The following HTR1D variants were observed in gnomAD, a reference collection of about 807,000 sequenced individuals.
HTR1D encodes 5-hydroxytryptamine receptor 1D, also known as 5-HT-1D.
In HTR1D, 18 loss-of-function variants were observed where a neutral mutation model predicts 21.1. The ratio of observed to expected loss-of-function variants is 0.85; its 90% CI spans 0.59 to 1.27. The LOEUF (loss-of-function observed/expected upper bound fraction) is 1.27, where lower values mean the gene tolerates loss of function less well. Among genes scored for constraint, HTR1D ranks in the 50% most tolerant of loss-of-function variants. The pLI is 0.00. For synonymous variants in HTR1D, 196 were observed against 204.4 expected (o/e 0.96, Z 0.35); for missense variants, 456 against 481.4 (o/e 0.95, Z 0.49).
intron 1 of HTR1D, among the ~76,000 whole-genome samples, chr1:23,206,935 G>A (rs981970209): frequency 4.6e-5 from 7 of 152,184 alleles, no homozygotes; most frequent in South Asian, 2.1e-4. Flanking sequence ...ACGCCTGAGA[G>A]GCAGAGGCCC....
At chr1:23,213,169 A>G (rs1170190228) in intron 1 of HTR1D, among the ~76,000 whole-genome samples, 1 of 152,148 alleles carries the variant, frequency 6.6e-6, no homozygotes, top group African/African-American at 2.4e-5. Flanking sequence ...TTCCACACCT[A>G]GCCCAAGCTT....
chr1:23,207,845 T>G (rs1371186837), intron 1 of HTR1D, among the ~76,000 whole-genome samples: 1 of 141,190 alleles, frequency 7.1e-6, no homozygotes, highest in Non-Finnish European at 1.5e-5. Context: ...CACTGCAACC[T>G]CCGCCCACCA....
intron 1 of HTR1D, among the ~76,000 whole-genome samples, chr1:23,212,433 A>G (rs1644757066): frequency 6.6e-6 from 1 of 152,074 alleles, no homozygotes; most frequent in South Asian, 2.1e-4. Flanking sequence ...GACCAAGTTT[A>G]ACTCTCCCCT....
chr1:23,198,769 G>A (rs1372139223), intron 1 of HTR1D, among the ~76,000 whole-genome samples: 1 of 152,164 alleles, frequency 6.6e-6, no homozygotes, highest in Non-Finnish European at 1.5e-5. Context: ...GAAACAAACT[G>A]TTAGGGAGAT....
Position 23,192,214 on chromosome 1 carries a change from T to C in HTR1D, c.*872A>G, listed in dbSNP as rs1209890740. 2 of 152,384 alleles carry C rather than the reference T, an allele frequency of 1.3e-5. No homozygotes were observed. The highest frequency in any genetic ancestry group is 6.6e-5 in the Admixed American group (1 of 15,266). The allele number at this position is 152,384 out of a possible 1,614,324, so 9.4% of individuals were successfully genotyped here. A position where few individuals can be genotyped will look rare whatever the true frequency, so the allele number is the denominator to read the frequency against. On this transcript the variant is annotated 3_prime_UTR_variant, in exon 2 of 2. Transcript: ENST00000374619. ...ACTTCTGAATCTCTCTCCAAGTCACTCTATATCATCGGCACTGCAAATACT... is the reference window on the plus strand; with the variant it reads ...ACTTCTGAATCTCTCTCCAAGTCACCCTATATCATCGGCACTGCAAATACT...
intron 1 of HTR1D, among the ~76,000 whole-genome samples, chr1:23,208,520 G>A (rs1235907082): frequency 1.3e-5 from 2 of 151,210 alleles, no homozygotes; most frequent in Non-Finnish European, 2.9e-5. Flanking sequence ...GCAGTGAGCC[G>A]AGATCATGCC....
At position 23,193,258 on chromosome 1, in the gene HTR1D, GA is replaced by G; in HGVS notation, c.961del (p.Ser321LeufsTer24). Reference sequence around the variant, plus strand: ...GTCCCGGCAGATGGGGAGGACCAGAGACACCACGAAGAAGGGCAGCCAGCAG... The same window carrying G: ...GTCCCGGCAGATGGGGAGGACCAGAGCACCACGAAGAAGGGCAGCCAGCAG... Reference protein sequence around the residue: ...IICWLPFFVVSLVLPICRDSC... With the variant: ...IICWLPFFVVXLVLPICRDSC... On this transcript the variant is annotated frameshift_variant, in exon 2 of 2. Coordinates refer to ENST00000374619, the MANE Select transcript of HTR1D (RefSeq NM_000864.5). LOFTEE classifies it high-confidence loss of function. 1.9e-6 allele frequency: 3 copies of G among 1,614,192 alleles called. No individual in the cohort carries two copies. Among genetic ancestry groups the G allele is most frequent in the Non-Finnish European group, 2.5e-6 (3 of 1,180,030 alleles).
At chr1:23,206,672 G>A (rs1192939398) in intron 1 of HTR1D, among the ~76,000 whole-genome samples, 2 of 152,088 alleles carry the variant, frequency 1.3e-5, no homozygotes, top group African/African-American at 4.8e-5. Context: ...ACCCTTCAGA[G>A]CTAGGCTCTG....
At chr1:23,210,300 A>G (rs1055076048) in intron 1 of HTR1D, among the ~76,000 whole-genome samples, 1 of 152,102 alleles carries the variant, frequency 6.6e-6, no homozygotes, top group Non-Finnish European at 1.5e-5. Context: ...CTGGTCTCGA[A>G]CTCTTGGCCT....
chr1:23,194,309 C>T lies in HTR1D; in HGVS notation c.-90G>A. On this transcript the variant is annotated 5_prime_UTR_variant, in exon 2 of 2. Transcript: ENST00000374619. ...ACAACAGAGCAAAGTCATCCTTCTG[C>T]TTCACACTGGTGGGAGCCGTACACC... is the stretch of plus-strand genomic sequence containing the variant. The T allele has an allele frequency of 9.9e-6, 12 of 1,214,434 alleles. No homozygotes were observed. Among genetic ancestry groups the T allele is most frequent in the Non-Finnish European group, 1.3e-5 (11 of 852,600 alleles). 75.2% of individuals were successfully genotyped at this position (1,214,434 alleles called of 1,614,324 possible).
chr1:23,198,082 A>G (rs533526903), intron 1 of HTR1D, among the ~76,000 whole-genome samples: 6 of 151,490 alleles, frequency 4.0e-5, no homozygotes, highest in African/African-American at 1.5e-4. Context: ...AAAAAAAAAA[A>G]AAGTGTGGGC....
At position 23,204,814 on chromosome 1, in the gene HTR1D, G is replaced by A. The variant is rs186493034; in HGVS notation, c.-782-9813C>T. Among the ~76,000 whole-genome samples, 726 of 152,278 alleles carry A rather than the reference G, an allele frequency of 4.8e-3. 7 individuals are homozygous for A. Among genetic ancestry groups the A allele is most frequent in the South Asian group, 0.027 (128 of 4,824 alleles). ...GAGCAGAGCTGTTCCAGCCAAACCC[G>A]GCCTAGAACAGAGCCTCTCACACAA... On this transcript the variant is annotated intron_variant, in intron 1 of 1. Transcript: ENST00000374619.
intron 1 of HTR1D, among the ~76,000 whole-genome samples, chr1:23,202,381 C>T (rs926762853): frequency 1.3e-5 from 2 of 152,188 alleles, no homozygotes; most frequent in African/African-American, 4.8e-5. Flanking sequence ...GCATGAGCCA[C>T]CGCACCTGGC....
chr1:23,216,749 G>C (rs1644774899), intron 1 of HTR1D, among the ~76,000 whole-genome samples: 1 of 152,222 alleles, frequency 6.6e-6, no homozygotes, highest in Non-Finnish European at 1.5e-5. Context: ...CCCTCTATTT[G>C]ACAGACGTGC....
At chr1:23,208,625 CAAAAGAAAAG>C (rs769493609) in intron 1 of HTR1D, among the ~76,000 whole-genome samples, 1 of 151,056 alleles carries the variant, frequency 6.6e-6, no homozygotes, top group Non-Finnish European at 1.5e-5. Flanking sequence ...CATGGTGTCT[CAAAAGAAAAG>C]AAAAGAAAAG....
intron 1 of HTR1D, among the ~76,000 whole-genome samples, chr1:23,212,786 C>T (rs958852926): frequency 1.3e-5 from 2 of 151,738 alleles, no homozygotes; most frequent in African/African-American, 2.4e-5. Flanking sequence ...GGGCTCCAAA[C>T]TCAAGCCACC....
chr1:23,214,439 C>A (rs1290286943), intron 1 of HTR1D, among the ~76,000 whole-genome samples: 1 of 152,038 alleles, frequency 6.6e-6, no homozygotes, highest in Non-Finnish European at 1.5e-5. Context: ...TTCATTCATT[C>A]ATTCATTCAT....
intron 1 of HTR1D, among the ~76,000 whole-genome samples, chr1:23,209,115 C>T (rs1472591693): frequency 6.6e-6 from 1 of 151,508 alleles, no homozygotes; most frequent in East Asian, 1.9e-4. Context: ...CCTGCCTCAG[C>T]CTCCTGGGTA....
At chr1:23,207,390 C>G (rs2148242556) in intron 1 of HTR1D, among the ~76,000 whole-genome samples, 1 of 151,412 alleles carries the variant, frequency 6.6e-6, no homozygotes, top group Admixed American at 6.6e-5. Context: ...GCCTCGGTAA[C>G]AGAATGAGAC....
Sources: allele counts gnomAD v4.1 joint callset (sites outside exome capture counted in the v4.1 genomes callset), GRCh38; gene constraint gnomAD v4.1.1; transcripts MANE v1.5; gene names NCBI Gene and HGNC (gene_info 2026-07-23, HGNC 2026-07-21).